Variants in CLEC3B observed in about 807,000 individuals in gnomAD.
The protein encoded by CLEC3B is C-type lectin domain family 3 member B.
A neutral mutation model predicts 15.4 loss-of-function variants in CLEC3B; 13 were observed. The observed-to-expected ratio is 0.84, with a 90% confidence interval of 0.55 to 1.34. The LOEUF (loss-of-function observed/expected upper bound fraction) is 1.34. CLEC3B is among the 40% of genes most tolerant of loss of function. The pLI is 0.00. For synonymous variants in CLEC3B, 112 were observed against 114.7 expected, an observed-to-expected ratio of 0.98 and a Z score of 0.15; for missense variants, 242 against 268.6, an observed-to-expected ratio of 0.90 and a Z score of 0.69.
At chr3:45,028,386 T>C (rs1052989913) in intron 1 of CLEC3B, among the ~76,000 whole-genome samples, 7 of 152,132 alleles carry the variant, frequency 4.6e-5, no homozygotes, top group Non-Finnish European at 5.9e-5. Flanking sequence ...TGAAACCCTG[T>C]CTCTACTAAA....
intron 1 of CLEC3B, among the ~76,000 whole-genome samples, chr3:45,026,759 G>T (rs906685502): frequency 6.6e-6 from 1 of 152,106 alleles, no homozygotes; most frequent in African/African-American, 2.4e-5. Context: ...CAAACCTTTG[G>T]CCTGGGAGTC....
chr3:45,032,265 C>T (rs77389511), intron 2 of CLEC3B, among the ~76,000 whole-genome samples: 2,098 of 152,282 alleles, frequency 0.014, 58 homozygotes, highest in African/African-American at 0.048. Context: ...CACTCCCTCC[C>T]ATTCATATGC....
intron 2 of CLEC3B, among the ~76,000 whole-genome samples, chr3:45,034,976 T>A (rs1294008625): frequency 6.6e-6 from 1 of 152,192 alleles, no homozygotes; most frequent in Admixed American, 6.5e-5. Flanking sequence ...CCCTGCAAGC[T>A]GCTTGATCTT....
intron 1 of CLEC3B, among the ~76,000 whole-genome samples, chr3:45,028,411 C>T (rs1160809647): frequency 6.6e-6 from 1 of 152,146 alleles, no homozygotes; most frequent in Non-Finnish European, 1.5e-5. Context: ...CAAAAATTAG[C>T]TGAGTGTGAT....
Position 45,035,936 on chromosome 3 carries a change from G to A in CLEC3B, c.*12G>A. 2 of 1,565,884 alleles carry A rather than the reference G, an allele frequency of 1.3e-6. No homozygotes were observed. The highest frequency in any genetic ancestry group is 1.7e-6 in the Non-Finnish European group (2 of 1,156,332). Reference sequence around the variant, plus strand: ...TCGGGATCGTGTAGCCGGCGGGGCGGGGGCCGTGGGGGGCCTGGAGGAGGG... The same window carrying A: ...TCGGGATCGTGTAGCCGGCGGGGCGAGGGCCGTGGGGGGCCTGGAGGAGGG... On this transcript the variant is annotated 3_prime_UTR_variant, in exon 3 of 3. Transcript: ENST00000296130.
intron 1 of CLEC3B, chr3:45,030,167 GA>G: frequency 1.0e-6 from 1 of 985,732 alleles, no homozygotes; most frequent in South Asian, 4.7e-5. Context: ...TGTAAGAGTG[GA>G]AAACCTGGGT....
At chr3:45,029,638 A>G (rs1006426472) in intron 1 of CLEC3B, among the ~76,000 whole-genome samples, 1 of 152,180 alleles carries the variant, frequency 6.6e-6, no homozygotes, top group Admixed American at 6.5e-5. Flanking sequence ...GAAGGCTCTG[A>G]TCTCACTCTT....
Position 45,036,023 on chromosome 3 carries a change from C to A in CLEC3B, c.*99C>A. ...TTGCAGCCCCCATCCTCTCCGTGCGCTTGGAGCCTCTTTTTGCAAATAAAG... is the reference window on the plus strand; with the variant it reads ...TTGCAGCCCCCATCCTCTCCGTGCGATTGGAGCCTCTTTTTGCAAATAAAG... On this transcript the variant is annotated 3_prime_UTR_variant, in exon 3 of 3. Transcript: ENST00000296130. 7.6e-7 allele frequency: 1 copy of A among 1,307,340 alleles called. No homozygotes were observed. Among genetic ancestry groups the A allele is most frequent in the Non-Finnish European group, 1.0e-6 (1 of 981,186 alleles). The allele number at this position is 1,307,340 out of a possible 1,614,324, so 81.0% of individuals were successfully genotyped here. A position where few individuals can be genotyped will look rare whatever the true frequency, so the allele number is the denominator to read the frequency against.
At chr3:45,028,048 G>A (rs1413137768) in intron 1 of CLEC3B, among the ~76,000 whole-genome samples, 10 of 152,136 alleles carry the variant, frequency 6.6e-5, no homozygotes, top group Admixed American at 6.5e-4. Context: ...CAGGGCTACA[G>A]GCCAACAGAA....
chr3:45,034,660 A>G (rs1474289952), intron 2 of CLEC3B: 6 of 152,232 alleles, frequency 3.9e-5, no homozygotes, highest in African/African-American at 1.4e-4. Flanking sequence ...TTATCCTCCT[A>G]ACTTGACCAA....
At chr3:45,030,251 C>T in intron 1 of CLEC3B, 9 of 982,176 alleles carry the variant, frequency 9.2e-6, no homozygotes, top group Non-Finnish European at 1.1e-5. Context: ...GGCAGCTCTG[C>T]GTTTCAGTTC....
At chr3:45,030,123 T>G (rs751428693) in intron 1 of CLEC3B, 20 of 973,182 alleles carry the variant, frequency 2.1e-5, no homozygotes, top group Non-Finnish European at 2.2e-5. Flanking sequence ...TGGGGTGACA[T>G]GTAGAACGGC....
chr3:45,030,981 C>T, intron 2 of CLEC3B, 56 bp downstream of exon 2: 1 of 1,226,964 alleles, frequency 8.2e-7, no homozygotes, highest in South Asian at 1.3e-5. Context: ...GGGCCCAGGC[C>T]AGCAGCCAGC....
rs558485512 is a variant in CLEC3B at position 45,030,081 on chromosome 3, C to G, written c.110-746C>G. ...GCTGGTGGTACAGAATGACACGTTA[C>G]CTGTGTCATAGGGTTGATTATGAGC... On this transcript the variant is annotated intron_variant, in intron 1 of 2. Coordinates refer to ENST00000296130, the MANE Select transcript of CLEC3B (RefSeq NM_003278.3). The G allele has an allele frequency of 9.7e-5, 70 of 719,608 alleles. No individual in the cohort carries two copies. In the African/African-American group the frequency reaches 1.3e-3, roughly 13 times the overall value. The allele number at this position is 719,608 out of a possible 1,614,324, so 44.6% of individuals were successfully genotyped here. A position where few individuals can be genotyped will look rare whatever the true frequency, so the allele number is the denominator to read the frequency against.
chr3:45,031,812 C>A (rs149601843), intron 2 of CLEC3B, among the ~76,000 whole-genome samples: 1 of 151,250 alleles, frequency 6.6e-6, no homozygotes, highest in Admixed American at 6.6e-5. Flanking sequence ...CACAGACTCA[C>A]AATACTGATG....
chr3:45,032,733 C>T (rs1470294378), intron 2 of CLEC3B, among the ~76,000 whole-genome samples: 1 of 152,220 alleles, frequency 6.6e-6, no homozygotes, highest in East Asian at 1.9e-4. Flanking sequence ...AAGGGAGCAT[C>T]TCCAGAGGTG....
chr3:45,035,534 G>C lies in CLEC3B; in HGVS notation c.219G>C (p.Lys73Asn). Residue 73 changes from lysine (K) to asparagine (N), a missense_variant, in exon 3 of 3, where the codon AAG (lysine) becomes AAC (asparagine). By Grantham distance (94) the Lys-to-Asn change is moderately conservative (BLOSUM62 0). Coordinates refer to ENST00000296130, the MANE Select transcript of CLEC3B (RefSeq NM_003278.3). ...EQQALQTVCL[K>N]GTKVHMKCFL... Reference sequence around the variant, plus strand: ...TCTCCCCACTCCCAGTCTGCCTGAAGGGGACCAAGGTGCACATGAAATGCT... The same window carrying C: ...TCTCCCCACTCCCAGTCTGCCTGAACGGGACCAAGGTGCACATGAAATGCT... The C allele has an allele frequency of 6.2e-7, 1 of 1,601,418 alleles. No individual in the cohort carries two copies. Among genetic ancestry groups the C allele is most frequent in the Non-Finnish European group, 8.5e-7 (1 of 1,171,464 alleles).
At chr3:45,027,280 G>C (rs1324125748) in intron 1 of CLEC3B, among the ~76,000 whole-genome samples, 1 of 152,246 alleles carries the variant, frequency 6.6e-6, no homozygotes, top group Non-Finnish European at 1.5e-5. Context: ...CAAGGGCACA[G>C]AAAAGGAAAG....
At chr3:45,029,121 TAG>T (rs1697521296) in intron 1 of CLEC3B, among the ~76,000 whole-genome samples, 1 of 150,638 alleles carries the variant, frequency 6.6e-6, no homozygotes, top group Admixed American at 6.6e-5. Flanking sequence ...CCCAGGGCCG[TAG>T]AGACACCTAC....
Sources: allele counts gnomAD v4.1 joint callset (sites outside exome capture counted in the v4.1 genomes callset), GRCh38; gene constraint gnomAD v4.1.1; transcripts MANE v1.5; gene names NCBI Gene and HGNC (gene_info 2026-07-23, HGNC 2026-07-21).